ZNF71: variants seen among roughly 807,000 people sequenced by gnomAD.
ZNF71 encodes zinc finger protein 71.
ZNF71 carries 3 observed loss-of-function variants against 6.7 expected under a neutral mutation model. That is an observed-to-expected ratio of 0.45 (90% CI 0.20 to 1.16). The LOEUF (loss-of-function observed/expected upper bound fraction) is 1.16. ZNF71 is among the 50% of genes most tolerant of loss of function. The pLI, the probability that ZNF71 is intolerant of heterozygous loss-of-function variation, is 0.25. For synonymous variants in ZNF71, 343 were observed against 311.1 expected (o/e 1.10, Z -1.08); for missense variants, 688 against 728.6 (o/e 0.94, Z 0.64).
At position 56,615,558 on chromosome 19, in the gene ZNF71, GTTT is replaced by G. The variant is rs60056272; in HGVS notation, c.160+1633_160+1635del. Among the ~76,000 whole-genome samples, 289 of 141,064 alleles carry G rather than the reference GTTT, an allele frequency of 2.0e-3. 3 individuals are homozygous for G. The highest frequency in any genetic ancestry group is 4.6e-3 in the African/African-American group (181 of 39,260). The allele number at this position is 141,064 out of a possible 152,430, so 92.5% of individuals were successfully genotyped here. A position where few individuals can be genotyped will look rare whatever the true frequency, so the allele number is the denominator to read the frequency against. ...AAAGTATCTGTTCAAGTCTTTTCCT[GTTT>G]TTTTTTTTTTTTCTGTTGGGTTATT... On this transcript the variant is annotated intron_variant, in intron 3 of 3. Transcript: ENST00000599599.
Position 56,613,932 on chromosome 19 carries a change from T to A in ZNF71, c.154T>A (p.Ser52Thr). The change falls in exon 3 of 4, where the codon TCA (serine) becomes ACA (threonine). Residue 52 changes from serine (S) to threonine (T), a missense_variant. Transcript: ENST00000599599. The surrounding 1 kb of genome is among the most constrained non-coding windows in gnomAD (Gnocchi z 4.6). ...VMLENYRNLV[S>T]LDWETRPEMK... ...GCTGGAGAACTACAGGAACCTGGTC[T>A]CACTGGGTAAGGGGCAGCTTCGTTG... 1 of 1,072,338 alleles carries A rather than the reference T, an allele frequency of 9.3e-7. No individual in the cohort carries two copies. The highest frequency in any genetic ancestry group is 1.2e-6 in the Non-Finnish European group (1 of 867,416). The allele number at this position is 1,072,338 out of a possible 1,614,324, so 66.4% of individuals were successfully genotyped here.
chr19:56,612,295 TAAGTGCCCATCAACCAATGAATAAGGA>T (rs1264944753), intron 2 of ZNF71, among the ~76,000 whole-genome samples: 3 of 152,186 alleles, frequency 2.0e-5, no homozygotes, highest in Non-Finnish European at 4.4e-5. Flanking sequence ...GCAGTCAACC[TAAGTGCCCATCAACCAATGAATAAGGA>T]AAGTGCCCAT....
chr19:56,620,205 C>G (rs1228477273), intron 3 of ZNF71, among the ~76,000 whole-genome samples: 1 of 152,156 alleles, frequency 6.6e-6, no homozygotes, highest in Non-Finnish European at 1.5e-5. Context: ...CCAGCCAGGG[C>G]AGGTGCGTGA....
chr19:56,597,547 G>A (rs147333234), intron 1 of ZNF71, among the ~76,000 whole-genome samples: 8 of 152,286 alleles, frequency 5.3e-5, no homozygotes, highest in African/African-American at 1.7e-4. Flanking sequence ...TTTTCACAAA[G>A]GGGCTAAAGG....
At chr19:56,610,775 T>G (rs2044745629) in intron 2 of ZNF71, among the ~76,000 whole-genome samples, 1 of 152,224 alleles carries the variant, frequency 6.6e-6, no homozygotes, top group Non-Finnish European at 1.5e-5. Flanking sequence ...GTATTTCCTT[T>G]AGAGAGGAAT....
intron 1 of ZNF71, among the ~76,000 whole-genome samples, chr19:56,596,957 G>T (rs1238693361): frequency 6.6e-6 from 1 of 152,158 alleles, no homozygotes; most frequent in Admixed American, 6.6e-5. Flanking sequence ...GCCAAACTGG[G>T]TTCAACAGCC....
chr19:56,598,634 G>A lies in ZNF71; in HGVS notation c.-52-2873G>A, dbSNP rs2044643925. Among the ~76,000 whole-genome samples, 1 of 152,154 alleles carries A rather than the reference G, an allele frequency of 6.6e-6. No individual in the cohort carries two copies. Among genetic ancestry groups the A allele is most frequent in the Non-Finnish European group, 1.5e-5 (1 of 68,038 alleles). On this transcript the variant is annotated intron_variant, in intron 1 of 3. Coordinates refer to ENST00000599599, the MANE Select transcript of ZNF71 (RefSeq NM_001370215.1). The surrounding 1 kb of genome is among the most constrained non-coding windows in gnomAD (Gnocchi z 4.2). ...TTCTTTGTTGTGGGGCCTGTCGCGT[G>A]CATCGTACAGTGTGTAGCAGCATCC...
rs2044862358 is a variant in ZNF71 at position 56,622,259 on chromosome 19, G to A, written c.1152G>A (p.Lys384=). Reference sequence around the variant, plus strand: ...ACCAGAGGAACCACACCGGCGAGAAGCCCTACGTGTGCGGCGAGTGCGGCA... The same window carrying A: ...ACCAGAGGAACCACACCGGCGAGAAACCCTACGTGTGCGGCGAGTGCGGCA... ...TLHQRNHTGE[K]PYVCGECGKA... Residue 384 remains lysine (K), a synonymous_variant, in exon 4 of 4, where the codon AAG becomes AAA. Transcript: ENST00000599599. 1 of 1,608,940 alleles carries A rather than the reference G, an allele frequency of 6.2e-7. No individual in the cohort carries two copies. Among genetic ancestry groups the A allele is most frequent in the Admixed American group, 1.7e-5 (1 of 59,950 alleles).
At chr19:56,600,096 GTT>G (rs1162051204) in intron 1 of ZNF71, among the ~76,000 whole-genome samples, 3 of 101,096 alleles carry the variant, frequency 3.0e-5, no homozygotes, top group Non-Finnish European at 5.6e-5. Flanking sequence ...TTTGGGGTTT[GTT>G]TTTTTTTTTT....
At position 56,622,139 on chromosome 19, in the gene ZNF71, C is replaced by T; in HGVS notation, c.1032C>T (p.His344=). The T allele has an allele frequency of 6.2e-7, 1 of 1,613,188 alleles. No homozygotes were observed. The highest frequency in any genetic ancestry group is 8.5e-7 in the Non-Finnish European group (1 of 1,179,560). Residue 344 remains histidine, a synonymous_variant, in exon 4 of 4, where the codon CAC becomes CAT. Coordinates refer to ENST00000599599, the MANE Select transcript of ZNF71 (RefSeq NM_001370215.1). ...GGCGAGCCTTCAGCCAGAACATGCA[C>T]CTGACCGAGCACCAGCGCACGCACA... ...ECGRAFSQNM[H]LTEHQRTHTG...
At chr19:56,610,207 G>C (rs2044741325) in intron 2 of ZNF71, 2 of 152,226 alleles carry the variant, frequency 1.3e-5, no homozygotes, top group African/African-American at 2.4e-5. Flanking sequence ...GGAAATGCCA[G>C]ACTGTCTTCC....
chr19:56,622,096 A>C lies in ZNF71; in HGVS notation c.989A>C (p.Tyr330Ser). Residue 330 changes from tyrosine to serine, a missense_variant, in exon 4 of 4, where the codon TAC becomes TCC. Tyr to Ser is a moderately radical substitution (Grantham distance 144, BLOSUM62 -2). Transcript: ENST00000599599. ...CGCACGCACACCGGGGAGAAGCCGT[A>C]CGTGTGCCCCGAGTGCGGGCGAGCC... The part of the protein sequence containing the change: ...HQRTHTGEKP[Y>S]VCPECGRAFS... The C allele has an allele frequency of 1.2e-6, 2 of 1,612,578 alleles. No individual in the cohort carries two copies. The highest frequency in any genetic ancestry group is 1.7e-6 in the Non-Finnish European group (2 of 1,179,044).
In ZNF71 at chr19:56,618,561, T is replaced by C. The variant is rs1245709058; in HGVS notation, c.161-2707T>C. Among the ~76,000 whole-genome samples, 1 of 151,884 alleles carries C rather than the reference T, an allele frequency of 6.6e-6. No individual in the cohort carries two copies. The highest frequency in any genetic ancestry group is 2.4e-5 in the African/African-American group (1 of 41,316). ...AGAAAAATTGCCACAGGTCACTGAGTGTTCATAAAGAAGTGGGCAGGAGGA... is the reference window on the plus strand; with the variant it reads ...AGAAAAATTGCCACAGGTCACTGAGCGTTCATAAAGAAGTGGGCAGGAGGA... On this transcript the variant is annotated intron_variant, in intron 3 of 3. Coordinates refer to ENST00000599599, the MANE Select transcript of ZNF71 (RefSeq NM_001370215.1). The surrounding 1 kb of genome is among the most constrained non-coding windows in gnomAD (Gnocchi z 4.6).
At position 56,621,910 on chromosome 19, in the gene ZNF71, A is replaced by C; in HGVS notation, c.803A>C (p.His268Pro). The change falls in exon 4 of 4, where the codon CAC becomes CCC. Residue 268 changes from histidine to proline, a missense_variant. Coordinates refer to ENST00000599599, the MANE Select transcript of ZNF71 (RefSeq NM_001370215.1). ...RMNLTVHQRTHTGEKPYVCDV... is the reference protein window; with the variant it reads ...RMNLTVHQRTPTGEKPYVCDV... ...AACCTCACTGTGCACCAGCGCACGC[A>C]CACGGGCGAGAAGCCGTATGTGTGC... 1 of 1,613,554 alleles carries C rather than the reference A, an allele frequency of 6.2e-7. No homozygotes were observed. Among genetic ancestry groups the C allele is most frequent in the Non-Finnish European group, 8.5e-7 (1 of 1,179,934 alleles).
chr19:56,599,745 G>A (rs886075301), intron 1 of ZNF71, among the ~76,000 whole-genome samples: 16 of 148,986 alleles, frequency 1.1e-4, no homozygotes, highest in African/African-American at 4.0e-4. Flanking sequence ...CCAGGCTGGA[G>A]TGCAGTGTTG....
Position 56,602,389 on chromosome 19 carries a change from G to A in ZNF71, c.33+798G>A, listed in dbSNP as rs559200735. On this transcript the variant is annotated intron_variant, in intron 2 of 3. Coordinates refer to ENST00000599599, the MANE Select transcript of ZNF71 (RefSeq NM_001370215.1). The stretch of plus-strand genomic sequence containing the variant: ...TTGATATTATTTCCACATCAGTTAC[G>A]GCGGTATGTATTCCCACCAGCATGT... Among the ~76,000 whole-genome samples, 68 of 152,288 alleles carry A rather than the reference G, an allele frequency of 4.5e-4. 1 individual carries two copies. The highest frequency in any genetic ancestry group is 1.3e-3 in the African/African-American group (56 of 41,550).
chr19:56,604,549 A>AG (rs1188466933), intron 2 of ZNF71, among the ~76,000 whole-genome samples: 2 of 152,196 alleles, frequency 1.3e-5, no homozygotes, highest in Non-Finnish European at 2.9e-5. Flanking sequence ...GACCCTGTGG[A>AG]GGGGGACATT....
At position 56,598,266 on chromosome 19, in the gene ZNF71, C is replaced by T. The variant is rs2044641117; in HGVS notation, c.-53+2838C>T. Among the ~76,000 whole-genome samples, 1 of 151,890 alleles carries T rather than the reference C, an allele frequency of 6.6e-6. No individual in the cohort carries two copies. The highest frequency in any genetic ancestry group is 2.4e-5 in the African/African-American group (1 of 41,332). On this transcript the variant is annotated intron_variant, in intron 1 of 3. Coordinates refer to ENST00000599599, the MANE Select transcript of ZNF71 (RefSeq NM_001370215.1). This position sits in a 1 kb window ranked among gnomAD's most constrained non-coding sequence, Gnocchi z 4.2. The stretch of plus-strand genomic sequence containing the variant: ...AGGGGTAGTCATGGGAAGAGCATTC[C>T]CTCCAGAGGGAACAGCAGATGCAGA...
chr19:56,617,121 T>TG lies in ZNF71; in HGVS notation c.160+3184dup, dbSNP rs1555776037. ...ACTTCCATTTTCTTTTGTTTTTTTT[T>TG]GTTTTTTTTGAGACAGTCTTGCTCT... On this transcript the variant is annotated intron_variant, in intron 3 of 3. Coordinates refer to ENST00000599599, the MANE Select transcript of ZNF71 (RefSeq NM_001370215.1). Among the ~76,000 whole-genome samples the TG allele has an allele frequency of 2.7e-3, 402 of 148,428 alleles. 5 individuals are homozygous for TG. The highest frequency in any genetic ancestry group is 4.8e-3 in the Non-Finnish European group (322 of 67,324).
Sources: allele counts gnomAD v4.1 joint callset (sites outside exome capture counted in the v4.1 genomes callset), GRCh38; gene constraint gnomAD v4.1.1; non-coding constraint Gnocchi (gnomAD v3.1); transcripts MANE v1.5; gene names NCBI Gene and HGNC (gene_info 2026-07-23, HGNC 2026-07-21).